TBC1D12: variants seen among roughly 807,000 people sequenced by gnomAD.
TBC1D12 encodes the protein TBC1 domain family, member 12.
TBC1D12 carries 56 observed loss-of-function variants against 86.7 expected under a neutral mutation model. That is an observed-to-expected ratio of 0.65 (90% confidence interval 0.52 to 0.81). The LOEUF is 0.81. Ranked by LOEUF, TBC1D12 falls within the 30% of genes least tolerant of loss-of-function variation. The pLI, the probability that TBC1D12 is intolerant of heterozygous loss-of-function variation, is 0.00. For missense variants in TBC1D12, 1,023 were observed against 1,038.8 expected, an observed-to-expected ratio of 0.98 and a Z score of 0.21; for synonymous variants, 421 against 411.7, an observed-to-expected ratio of 1.02 and a Z score of -0.27.
At chr10:94,495,883 C>G (rs1360631720) in intron 4 of TBC1D12, among the ~76,000 whole-genome samples, 2 of 152,110 alleles carry the variant, frequency 1.3e-5, no homozygotes, top group African/African-American at 4.8e-5. Flanking sequence ...GCAGGCAGAT[C>G]GTGAGGTCAG....
intron 1 of TBC1D12, among the ~76,000 whole-genome samples, chr10:94,432,437 A>G (rs1223416682): frequency 2.0e-5 from 3 of 152,184 alleles, no homozygotes. Context: ...TGATATTTTA[A>G]AATTACTTTT....
intron 3 of TBC1D12, among the ~76,000 whole-genome samples, chr10:94,476,617 C>G (rs182175034): frequency 6.6e-6 from 1 of 151,986 alleles, no homozygotes. Flanking sequence ...AGATAAGTTC[C>G]CAGAAGAGCT....
intron 1 of TBC1D12, among the ~76,000 whole-genome samples, chr10:94,427,914 A>G (rs2055169231): frequency 6.6e-6 from 1 of 151,980 alleles, no homozygotes; most frequent in Non-Finnish European, 1.5e-5. Flanking sequence ...TTTATTTACC[A>G]TAAGAAATAA....
intron 1 of TBC1D12, among the ~76,000 whole-genome samples, chr10:94,423,095 G>C (rs2055097059): frequency 6.6e-6 from 1 of 151,930 alleles, no homozygotes; most frequent in Non-Finnish European, 1.5e-5. Context: ...ATGAGGCCCT[G>C]TCTTGAAAGA....
At chr10:94,499,541 C>T (rs754161334) in intron 5 of TBC1D12, among the ~76,000 whole-genome samples, 23 of 152,164 alleles carry the variant, frequency 1.5e-4, no homozygotes, top group Non-Finnish European at 1.5e-4. Context: ...CTTATCTTCC[C>T]TCTCGACTGG....
intron 2 of TBC1D12, among the ~76,000 whole-genome samples, chr10:94,470,690 C>CTTTTTTTTTTTT (rs35586245): frequency 3.5e-4 from 37 of 105,734 alleles, no homozygotes; most frequent in East Asian, 6.1e-4. Context: ...ATTTGTAATT[C>CTTTTTTTTTTTT]TTTTTTTTTT....
chr10:94,507,507 TGTAA>T (rs2056474516), intron 7 of TBC1D12, among the ~76,000 whole-genome samples, 160 bp downstream of exon 7: 1 of 152,188 alleles, frequency 6.6e-6, no homozygotes, highest in African/African-American at 2.4e-5. Flanking sequence ...GAAAAGTTCA[TGTAA>T]GTATCATCCT....
intron 1 of TBC1D12, among the ~76,000 whole-genome samples, chr10:94,437,571 T>C (rs115084979): frequency 0.014 from 2,150 of 151,998 alleles, 49 homozygotes; most frequent in East Asian, 0.06. Context: ...TGTGATCCAC[T>C]TGCCTTGGCC....
intron 1 of TBC1D12, among the ~76,000 whole-genome samples, chr10:94,417,918 A>T (rs1025348577): frequency 4.0e-5 from 6 of 150,062 alleles, no homozygotes; most frequent in African/African-American, 1.2e-4. Flanking sequence ...CTGCCTAATT[A>T]TTTTTTTTTG....
intron 11 of TBC1D12, among the ~76,000 whole-genome samples, chr10:94,524,266 C>T (rs1374067838): frequency 2.0e-5 from 3 of 152,098 alleles, no homozygotes; most frequent in Non-Finnish European, 4.4e-5. Flanking sequence ...AGAGGTATTA[C>T]GCATCTCCTC....
chr10:94,444,758 G>A (rs1554937443), intron 2 of TBC1D12, among the ~76,000 whole-genome samples: 1 of 146,836 alleles, frequency 6.8e-6, no homozygotes, highest in Non-Finnish European at 1.5e-5. Flanking sequence ...TTGAGACGGA[G>A]TCTTGCTCTG....
chr10:94,449,081 G>A (rs1360648777), intron 2 of TBC1D12, among the ~76,000 whole-genome samples: 1 of 152,108 alleles, frequency 6.6e-6, no homozygotes, highest in African/African-American at 2.4e-5. Flanking sequence ...AAAGAATAAA[G>A]ATAAGTTTTC....
chr10:94,464,384 T>C (rs907157769), intron 2 of TBC1D12, among the ~76,000 whole-genome samples: 1 of 152,218 alleles, frequency 6.6e-6, no homozygotes, highest in South Asian at 2.1e-4. Context: ...TATTAGCTTA[T>C]TAGCTTTACC....
chr10:94,402,705 A>C lies in TBC1D12; in HGVS notation c.92A>C (p.Lys31Thr). 6.3e-7 allele frequency: 1 copy of C among 1,593,262 alleles called. No homozygotes were observed. The highest frequency in any genetic ancestry group is 8.5e-7 in the Non-Finnish European group (1 of 1,170,026). ...CCGGACCCCGTGGGCCAGGACAGGAAGGTAATCCGGGCCACGGGCGGCTTT... is the reference window on the plus strand; with the variant it reads ...CCGGACCCCGTGGGCCAGGACAGGACGGTAATCCGGGCCACGGGCGGCTTT... Reference protein sequence around the residue: ...PAPDPVGQDRKVIRATGGFGG... With the variant: ...PAPDPVGQDRTVIRATGGFGG... The change falls in exon 1 of 13, where the codon AAG becomes ACG. Residue 31 changes from lysine to threonine, a missense_variant. Transcript: ENST00000225235.
At chr10:94,470,589 C>G (rs550033282) in intron 2 of TBC1D12, among the ~76,000 whole-genome samples, 1 of 152,066 alleles carries the variant, frequency 6.6e-6, no homozygotes, top group South Asian at 2.1e-4. Flanking sequence ...TCTTGAACTC[C>G]TAGGCACAAG....
intron 3 of TBC1D12, among the ~76,000 whole-genome samples, chr10:94,475,373 A>G (rs1210756751): frequency 6.6e-6 from 1 of 152,172 alleles, no homozygotes; most frequent in African/African-American, 2.4e-5. Context: ...GGAGCCTACT[A>G]TTATTATTAA....
chr10:94,437,241 C>T (rs1310068355), intron 1 of TBC1D12, among the ~76,000 whole-genome samples: 2 of 151,988 alleles, frequency 1.3e-5, no homozygotes, highest in African/African-American at 4.8e-5. Flanking sequence ...TCAGTGTGAA[C>T]CTCCTTGAGT....
intron 11 of TBC1D12, among the ~76,000 whole-genome samples, chr10:94,525,360 C>A (rs1215775347): frequency 1.3e-5 from 2 of 152,016 alleles, no homozygotes; most frequent in African/African-American, 4.8e-5. Context: ...GCCTGTAATC[C>A]TAGCACTTTG....
At chr10:94,489,722 G>C (rs926492693) in intron 3 of TBC1D12, among the ~76,000 whole-genome samples, 6 of 152,080 alleles carry the variant, frequency 3.9e-5, no homozygotes, top group African/African-American at 1.4e-4. Flanking sequence ...GTTATTAATT[G>C]GCCTAATTTC....
Sources: gnomAD v4.1 joint callset for allele counts (sites outside exome capture counted in the v4.1 genomes callset) on GRCh38, gnomAD v4.1.1 for gene constraint, MANE v1.5 for transcripts, NCBI Gene and HGNC (gene_info 2026-07-23, HGNC 2026-07-21) for gene names.